Variants in PKIG observed in about 807,000 individuals in gnomAD.
The protein encoded by PKIG is cAMP-dependent protein kinase inhibitor gamma.
A neutral mutation model predicts 6.8 loss-of-function variants in PKIG; 1 was observed. That is an observed-to-expected ratio of 0.15 (90% CI 0.05 to 0.69). PKIG has a LOEUF of 0.69. PKIG is among the 30% of genes least tolerant of loss of function. PKIG has a pLI of 0.82. For missense variants in PKIG, 77 were observed against 104.0 expected, an observed-to-expected ratio of 0.74 and a Z score of 1.13; for synonymous variants, 39 against 43.0, an observed-to-expected ratio of 0.91 and a Z score of 0.36.
At chr20:44,573,618 G>GT (rs1403995380) in intron 1 of PKIG, among the ~76,000 whole-genome samples, 20 of 152,214 alleles carry the variant, frequency 1.3e-4, no homozygotes, top group African/African-American at 4.8e-4. Flanking sequence ...GGAGCTTGGT[G>GT]TTTGAGTCTC....
intron 2 of PKIG, among the ~76,000 whole-genome samples, chr20:44,596,962 C>G (rs910817011): frequency 6.6e-6 from 1 of 152,216 alleles, no homozygotes; most frequent in Admixed American, 6.5e-5. Flanking sequence ...CACTGCTCCC[C>G]AGCCCCATGG....
At chr20:44,593,918 A>G (rs1314348685) in intron 2 of PKIG, among the ~76,000 whole-genome samples, 1 of 152,234 alleles carries the variant, frequency 6.6e-6, no homozygotes, top group East Asian at 1.9e-4. Flanking sequence ...GGAAGCCATC[A>G]GTCATACCCT....
intron 2 of PKIG, among the ~76,000 whole-genome samples, chr20:44,602,840 C>CAAA (rs3091836): frequency 1.3e-5 from 1 of 76,904 alleles, no homozygotes; most frequent in South Asian, 3.9e-4. Context: ...GACTCCATCT[C>CAAA]AAAAAAAAAA....
At chr20:44,582,056 A>G (rs575508841), upstream of PKIG, among the ~76,000 whole-genome samples, 5 of 152,130 alleles carry the variant, frequency 3.3e-5, no homozygotes, top group Middle Eastern at 3.2e-3. Flanking sequence ...GCTGTTTCCA[A>G]GCCTTCCCCG....
chr20:44,548,901 C>T (rs1000802159), intron 1 of PKIG, among the ~76,000 whole-genome samples: 1 of 85,054 alleles, frequency 1.2e-5, no homozygotes, highest in African/African-American at 6.8e-5. Flanking sequence ...CACACACACA[C>T]ACATATATCT....
At chr20:44,547,656 A>G (rs754030211) in intron 1 of PKIG, among the ~76,000 whole-genome samples, 1 of 152,220 alleles carries the variant, frequency 6.6e-6, no homozygotes, top group East Asian at 1.9e-4. Context: ...GAGCTGTGGC[A>G]CTTACTAACT....
chr20:44,539,946 A>T (rs1054330387), intron 1 of PKIG, among the ~76,000 whole-genome samples: 9 of 151,938 alleles, frequency 5.9e-5, no homozygotes, highest in Non-Finnish European at 8.8e-5. Context: ...TTGACTGATT[A>T]CATCTATTTA....
At chr20:44,551,653 C>A (rs2064669702) in intron 1 of PKIG, among the ~76,000 whole-genome samples, 1 of 152,172 alleles carries the variant, frequency 6.6e-6, no homozygotes, top group South Asian at 2.1e-4. Context: ...CTCCCATCCC[C>A]TCCGTTTCCA....
chr20:44,593,027 C>T (rs1400257454), intron 2 of PKIG, among the ~76,000 whole-genome samples: 1 of 152,060 alleles, frequency 6.6e-6, no homozygotes, highest in East Asian at 1.9e-4. Context: ...AAGTTGGAGG[C>T]ATCACACAAC....
chr20:44,556,335 T>C (rs559962593), intron 1 of PKIG, among the ~76,000 whole-genome samples: 279 of 152,180 alleles, frequency 1.8e-3, no homozygotes, highest in Non-Finnish European at 3.4e-3. Flanking sequence ...ATAGTGTCTT[T>C]TGGCTAATAT....
At chr20:44,580,130 G>A (rs1015438622), upstream of PKIG, among the ~76,000 whole-genome samples, 6 of 152,170 alleles carry the variant, frequency 3.9e-5, no homozygotes. Context: ...TAGACAAGAA[G>A]TATTCAAATA....
intron 2 of PKIG, among the ~76,000 whole-genome samples, chr20:44,602,476 G>A (rs1333806697): frequency 6.6e-6 from 1 of 152,066 alleles, no homozygotes; most frequent in East Asian, 1.9e-4. Flanking sequence ...CCTATGCCCG[G>A]CACAGTGCCT....
At chr20:44,539,410 ACTTT>A (rs1324680758) in intron 1 of PKIG, among the ~76,000 whole-genome samples, 4 of 149,640 alleles carry the variant, frequency 2.7e-5, no homozygotes, top group East Asian at 2.0e-4. Context: ...AAATTTGTAA[ACTTT>A]CTTTCTTTGT....
At chr20:44,591,980 TCTA>T (rs2065037549) in intron 2 of PKIG, among the ~76,000 whole-genome samples, 1 of 152,046 alleles carries the variant, frequency 6.6e-6, no homozygotes, top group South Asian at 2.1e-4. Flanking sequence ...GAAGGACCGG[TCTA>T]CAGAGGGGAG....
intron 1 of PKIG, among the ~76,000 whole-genome samples, chr20:44,545,682 G>A (rs1422621204): frequency 2.0e-5 from 3 of 152,000 alleles, no homozygotes; most frequent in Non-Finnish European, 4.4e-5. Flanking sequence ...AGATGTGGTG[G>A]TGTGTCCCTG....
chr20:44,563,737 C>T (rs1482557392), intron 1 of PKIG, among the ~76,000 whole-genome samples: 4 of 151,980 alleles, frequency 2.6e-5, no homozygotes, highest in African/African-American at 9.7e-5. Context: ...TACTGTGTTG[C>T]CCAGACTGGT....
At chr20:44,595,017 G>A (rs2065063357) in intron 2 of PKIG, among the ~76,000 whole-genome samples, 1 of 152,212 alleles carries the variant, frequency 6.6e-6, no homozygotes, top group Non-Finnish European at 1.5e-5. Context: ...CAGTGACTAG[G>A]ATGCAGCAGT....
At chr20:44,602,980 C>T (rs1203635254) in intron 2 of PKIG, among the ~76,000 whole-genome samples, 1 of 152,198 alleles carries the variant, frequency 6.6e-6, no homozygotes, top group African/African-American at 2.4e-5. Context: ...GATCTTCAGC[C>T]ACTGTTATGA....
At chr20:44,595,922 C>T (rs901973286) in intron 2 of PKIG, among the ~76,000 whole-genome samples, 1 of 151,990 alleles carries the variant, frequency 6.6e-6, no homozygotes, top group African/African-American at 2.4e-5. Context: ...GTATATTCAC[C>T]CCATAAGTGG....
Sources: gnomAD v4.1 joint callset for allele counts (sites outside exome capture counted in the v4.1 genomes callset) on GRCh38, gnomAD v4.1.1 for gene constraint, MANE v1.5 for transcripts, NCBI Gene and HGNC (gene_info 2026-07-23, HGNC 2026-07-21) for gene names.